Variants in CRYBA4 observed in about 807,000 individuals in gnomAD.
CRYBA4 encodes the protein beta-crystallin A4.
Under a neutral mutation model 31.7 loss-of-function variants are expected in CRYBA4, and 30 were observed. The ratio of observed to expected loss-of-function variants is 0.95; its 90% CI spans 0.71 to 1.28. CRYBA4 has a LOEUF of 1.28. Among genes scored for constraint, CRYBA4 ranks in the 50% most tolerant of loss-of-function variants. The pLI, the probability that CRYBA4 is intolerant of heterozygous loss-of-function variation, is 0.00. For missense variants in CRYBA4, 225 were observed against 260.7 expected (o/e 0.86, Z 0.94); for synonymous variants, 102 against 102.3 (o/e 1.00, Z 0.02).
intron 2 of CRYBA4, among the ~76,000 whole-genome samples, chr22:26,622,891 G>GTGTT (rs955928432): frequency 6.6e-6 from 1 of 152,232 alleles, no homozygotes; most frequent in Admixed American, 6.5e-5. Context: ...ATCTCTGTGT[G>GTGTT]TGTTTGTTTG....
At chr22:26,602,590 CAAA>C in the CRYBA4 span, among the ~76,000 whole-genome samples, 2 of 132,242 alleles carry the variant, frequency 1.5e-5, no homozygotes, top group Non-Finnish European at 1.6e-5. Context: ...GACCCTGTCT[CAAA>C]AAAAAAAAAA....
the CRYBA4 span, among the ~76,000 whole-genome samples, chr22:26,609,971 A>G: frequency 6.6e-6 from 1 of 152,174 alleles, no homozygotes; most frequent in Non-Finnish European, 1.5e-5. Flanking sequence ...CCAAATTAAT[A>G]CTGTTCCTGA....
chr22:26,614,274 A>G, the CRYBA4 span, among the ~76,000 whole-genome samples: 90 of 152,218 alleles, frequency 5.9e-4, no homozygotes, highest in Non-Finnish European at 1.2e-3. Flanking sequence ...GAAACTCCCT[A>G]ATAAAAACTT....
the CRYBA4 span, among the ~76,000 whole-genome samples, chr22:26,593,719 T>C: frequency 6.6e-6 from 1 of 151,984 alleles, no homozygotes; most frequent in Admixed American, 6.6e-5. Flanking sequence ...AGAGATGGGA[T>C]TTCTTCATGT....
chr22:26,630,145 G>A (rs1929879506), intron 5 of CRYBA4, among the ~76,000 whole-genome samples, 195 bp from the exon 6 acceptor site: 1 of 152,240 alleles, frequency 6.6e-6, no homozygotes, highest in Admixed American at 6.5e-5. Context: ...AAGAAAGGCT[G>A]GGATGGTGCT....
chr22:26,604,020 A>G, the CRYBA4 span, among the ~76,000 whole-genome samples: 200 of 152,326 alleles, frequency 1.3e-3, 1 homozygote, highest in African/African-American at 4.2e-3. Flanking sequence ...ATGACCCTGT[A>G]TCTTGTTTTT....
At chr22:26,628,781 G>A (rs939877506) in intron 5 of CRYBA4, among the ~76,000 whole-genome samples, 3 of 152,112 alleles carry the variant, frequency 2.0e-5, no homozygotes, top group East Asian at 1.9e-4. Context: ...CAAAGGTGGC[G>A]GCTTCATCGT....
At chr22:26,591,890 T>TACACACACACAC in the CRYBA4 span, among the ~76,000 whole-genome samples, 4,176 of 135,848 alleles carry the variant, frequency 0.031, 130 homozygotes, top group East Asian at 0.091. Context: ...CCTGGGTGAG[T>TACACACACACAC]ACACACACAC....
At chr22:26,624,061 C>A (rs987683675) in intron 3 of CRYBA4, among the ~76,000 whole-genome samples, 2 of 152,174 alleles carry the variant, frequency 1.3e-5, no homozygotes, top group Non-Finnish European at 2.9e-5. Context: ...CCAGTGGCTA[C>A]CATATTAGAT....
chr22:26,612,055 C>T, the CRYBA4 span: 60 of 1,571,268 alleles, frequency 3.8e-5, no homozygotes, highest in South Asian at 8.9e-5. Context: ...TGTGCCCCTC[C>T]GCCGCCCAGT....
At chr22:26,612,363 TTTTG>T in the CRYBA4 span, among the ~76,000 whole-genome samples, 1 of 152,154 alleles carries the variant, frequency 6.6e-6, no homozygotes. Flanking sequence ...GATTTTTGTT[TTTTG>T]TTTGTTTGTT....
chr22:26,609,228 G>A, the CRYBA4 span, among the ~76,000 whole-genome samples: 2 of 152,230 alleles, frequency 1.3e-5, no homozygotes, highest in Non-Finnish European at 2.9e-5. Context: ...GGCTGAGACA[G>A]AATGCATCAC....
chr22:26,617,170 T>A (rs1248915933), upstream of CRYBA4, among the ~76,000 whole-genome samples: 3 of 152,158 alleles, frequency 2.0e-5, no homozygotes, highest in Non-Finnish European at 4.4e-5. Flanking sequence ...AAATGAGGAC[T>A]GGGGCTGGGT....
At chr22:26,597,226 CT>C in the CRYBA4 span, among the ~76,000 whole-genome samples, 12 of 152,158 alleles carry the variant, frequency 7.9e-5, no homozygotes, top group African/African-American at 2.9e-4. Context: ...CCACCCTGTG[CT>C]TCTGCCCACA....
intron 2 of CRYBA4, among the ~76,000 whole-genome samples, chr22:26,622,891 GTGTT>G (rs955928432): frequency 3.3e-5 from 5 of 152,232 alleles, no homozygotes; most frequent in African/African-American, 1.2e-4. Flanking sequence ...ATCTCTGTGT[GTGTT>G]TGTTTGTTTT....
intron 4 of CRYBA4, among the ~76,000 whole-genome samples, chr22:26,627,504 CTTTCTTTCTTTCTTTCTT>C (rs1225548030): frequency 2.9e-5 from 2 of 69,478 alleles, no homozygotes. Context: ...TTCTTTCTTT[CTTTCTTTCTTTCTTTCTT>C]TCTCTTTCTT....
chr22:26,608,054 A>T, the CRYBA4 span: 2 of 1,613,860 alleles, frequency 1.2e-6, no homozygotes, highest in Non-Finnish European at 1.7e-6. Context: ...GGCAGACAGG[A>T]GACATATGGT....
the CRYBA4 span, among the ~76,000 whole-genome samples, chr22:26,593,727 T>C: frequency 1.3e-5 from 2 of 152,116 alleles, no homozygotes; most frequent in Non-Finnish European, 2.9e-5. Context: ...GATTTCTTCA[T>C]GTTGGCCAGG....
chr22:26,605,805 G>T, the CRYBA4 span, among the ~76,000 whole-genome samples: 9 of 151,658 alleles, frequency 5.9e-5, no homozygotes, highest in East Asian at 7.8e-4. Context: ...CAGGGGGCTG[G>T]AAAGGAGTCA....
Sources: allele counts gnomAD v4.1 joint callset (sites outside exome capture counted in the v4.1 genomes callset), GRCh38; gene constraint gnomAD v4.1.1; transcripts MANE v1.5; gene names NCBI Gene and HGNC (gene_info 2026-07-23, HGNC 2026-07-21).